TMEM229B: variants seen among roughly 807,000 people sequenced by gnomAD.
The protein encoded by TMEM229B is chromosome 14 open reading frame 83.
A neutral mutation model predicts 13.7 loss-of-function variants in TMEM229B; 6 were observed. The observed-to-expected ratio is 0.44, with a 90% CI of 0.24 to 0.86. The LOEUF (loss-of-function observed/expected upper bound fraction) is 0.86, where lower values mean the gene tolerates loss of function less well. Ranked by LOEUF, TMEM229B falls within the 40% of genes least tolerant of loss-of-function variation. The pLI is 0.23. For synonymous variants in TMEM229B, 107 were observed against 102.1 expected (o/e 1.05, Z -0.29); for missense variants, 170 against 236.0 (o/e 0.72, Z 1.83).
In TMEM229B at chr14:67,524,525, A is replaced by G. The variant is rs937662617; in HGVS notation, c.-192+9111T>C. ...TTGAAGTTATGCCACTCCCACCCAG[A>G]ACCTCCTGCAGTCCGACCAATGGAC... On this transcript the variant is annotated intron_variant, in intron 1 of 2. Transcript: ENST00000554278. Among the ~76,000 whole-genome samples, 8 of 152,162 alleles carry G rather than the reference A, an allele frequency of 5.3e-5. No homozygotes were observed. In the East Asian group the frequency reaches 1.5e-3, roughly 29 times the overall value.
rs906545955 is a variant in TMEM229B, at chr14:67,472,795, G to C, written c.*625C>G. The stretch of plus-strand genomic sequence containing the variant: ...ACCTCCAAAAGCCCAAGGTTGGTGG[G>C]AATCCAGCACCACGGGGGCCCCAGA... On this transcript the variant is annotated 3_prime_UTR_variant, in exon 3 of 3. Coordinates refer to ENST00000554480, the MANE Select transcript of TMEM229B (RefSeq NM_001348543.2). 1 of 153,910 alleles carries C rather than the reference G, an allele frequency of 6.5e-6. No homozygotes were observed. Among genetic ancestry groups the C allele is most frequent in the Non-Finnish European group, 1.4e-5 (1 of 69,036 alleles). The allele number at this position is 153,910 out of a possible 1,614,324, so 9.5% of individuals were successfully genotyped here. A position where few individuals can be genotyped will look rare whatever the true frequency, so the allele number is the denominator to read the frequency against.
intron 1 of TMEM229B, among the ~76,000 whole-genome samples, chr14:67,502,611 C>T (rs961081142): frequency 6.6e-6 from 1 of 151,772 alleles, no homozygotes; most frequent in Non-Finnish European, 1.5e-5. Context: ...TGCCACCACG[C>T]CTGGCTAATT....
chr14:67,499,240 G>C (rs1022423068), intron 1 of TMEM229B, among the ~76,000 whole-genome samples: 36 of 152,226 alleles, frequency 2.4e-4, no homozygotes, highest in African/African-American at 8.4e-4. Context: ...CTGGCCTCAA[G>C]TGATCCTCCT....
chr14:67,527,839 T>G (rs1201139782), intron 1 of TMEM229B, among the ~76,000 whole-genome samples: 14 of 152,212 alleles, frequency 9.2e-5, no homozygotes, highest in African/African-American at 2.9e-4. Flanking sequence ...GAGCAAGAAC[T>G]CACTCACAGC....
exon 1 of TMEM229B, chr14:67,515,152 C>G (rs1437200366): frequency 6.6e-6 from 1 of 152,442 alleles, no homozygotes; most frequent in African/African-American, 2.4e-5. Flanking sequence ...GCAGGTGCGG[C>G]TAGGAGCGCC....
Position 67,473,134 on chromosome 14 carries a change from C to T in TMEM229B, c.*286G>A, listed in dbSNP as rs1422855528. On this transcript the variant is annotated 3_prime_UTR_variant, in exon 3 of 3. Transcript: ENST00000554480. This position sits in a 1 kb window ranked among gnomAD's most constrained non-coding sequence, Gnocchi z 6.5. ...CTGCTTCCAAAGTCAACTACATAGT[C>T]CATCGCTGCTCAGCCACAGGCCTCC... is the stretch of plus-strand genomic sequence containing the variant. 2 of 451,992 alleles carry T rather than the reference C, an allele frequency of 4.4e-6. No homozygotes were observed. The highest frequency in any genetic ancestry group is 4.7e-5 in the South Asian group (2 of 42,566). 28.0% of individuals were successfully genotyped at this position (451,992 alleles called of 1,614,324 possible). A position where few individuals can be genotyped will look rare whatever the true frequency, so the allele number is the denominator to read the frequency against.
intron 1 of TMEM229B, 141 bp from the exon 2 acceptor site, chr14:67,487,313 C>A (rs562430639): frequency 6.6e-6 from 1 of 152,578 alleles, no homozygotes; most frequent in South Asian, 2.1e-4. Flanking sequence ...CGGAACCTAC[C>A]CCCTCCTCTT....
Position 67,486,136 on chromosome 14 carries a change from C to T in TMEM229B, c.-19+864G>A, listed in dbSNP as rs571342046. Among the ~76,000 whole-genome samples, 10 of 152,352 alleles carry T rather than the reference C, an allele frequency of 6.6e-5. No homozygotes were observed. In the South Asian group the frequency reaches 2.1e-3, roughly 32 times the overall value. On this transcript the variant is annotated intron_variant, in intron 2 of 2. Transcript: ENST00000554480. Reference sequence around the variant, plus strand: ...AGACAATCTGAATGATATGGTTTGGCTGTGTCCTCACCCAAATCTCATCTT... The same window carrying T: ...AGACAATCTGAATGATATGGTTTGGTTGTGTCCTCACCCAAATCTCATCTT...
upstream of TMEM229B, among the ~76,000 whole-genome samples, chr14:67,489,724 C>G (rs890647191): frequency 6.6e-6 from 1 of 152,242 alleles, no homozygotes; most frequent in Non-Finnish European, 1.5e-5. Context: ...GGCGCGGTGG[C>G]TCACGCCTGT....
chr14:67,497,651 T>C (rs1435459693), intron 1 of TMEM229B, among the ~76,000 whole-genome samples: 3 of 152,212 alleles, frequency 2.0e-5, no homozygotes, highest in Non-Finnish European at 4.4e-5. Flanking sequence ...TTTTGCACGA[T>C]TTTAACACAT....
chr14:67,478,335 C>G (rs1045956508), intron 2 of TMEM229B, among the ~76,000 whole-genome samples: 25 of 152,262 alleles, frequency 1.6e-4, no homozygotes, highest in African/African-American at 6.0e-4. Context: ...CAGCTACTAA[C>G]TCCCACCCTT....
At chr14:67,515,970 C>A (rs1370658212), upstream of TMEM229B, among the ~76,000 whole-genome samples, 1 of 152,236 alleles carries the variant, frequency 6.6e-6, no homozygotes, top group Non-Finnish European at 1.5e-5. Flanking sequence ...TCACGATTTG[C>A]TTTATACCAT....
chr14:67,473,579 G>A lies in TMEM229B; in HGVS notation c.345C>T (p.Leu115=). The A allele has an allele frequency of 6.2e-7, 1 of 1,611,754 alleles. No individual in the cohort carries two copies. The highest frequency in any genetic ancestry group is 1.1e-5 in the South Asian group (1 of 90,718). ...YSQFDFDFMG[L]ITLEYAVPWF... ...AGGGCACGGCGTACTCCAGGGTGAT[G>A]AGGCCCATGAAGTCAAAGTCGAACT... Residue 115 remains leucine (L), a synonymous_variant, in exon 3 of 3, where the codon CTC becomes CTT. Transcript: ENST00000554480. This position sits in a 1 kb window ranked among gnomAD's most constrained non-coding sequence, Gnocchi z 6.5.
At chr14:67,478,944 C>T (rs533807238) in intron 2 of TMEM229B, among the ~76,000 whole-genome samples, 9 of 152,312 alleles carry the variant, frequency 5.9e-5, no homozygotes, top group African/African-American at 2.2e-4. Context: ...AATATTCAAC[C>T]TAACTCCGAT....
intron 2 of TMEM229B, among the ~76,000 whole-genome samples, chr14:67,477,275 C>T (rs2031277002): frequency 1.3e-5 from 2 of 152,182 alleles, no homozygotes; most frequent in South Asian, 4.1e-4. Context: ...TTGACATCTT[C>T]AGCCTTTTCC....
chr14:67,482,385 G>T (rs2031637734), intron 2 of TMEM229B, among the ~76,000 whole-genome samples: 1 of 152,214 alleles, frequency 6.6e-6, no homozygotes, highest in African/African-American at 2.4e-5. Context: ...GGGGGCTAAG[G>T]TGCCACAACA....
Position 67,512,259 on chromosome 14 carries a change from C to T in TMEM229B, c.-192+2827G>A, listed in dbSNP as rs117289430. The stretch of plus-strand genomic sequence containing the variant: ...CAAACCAAAAGTGCCCCCCTCCTAC[C>T]CCTTCCCTAGAAATCAGCTTACACT... On this transcript the variant is annotated intron_variant, in intron 1 of 2. Transcript: ENST00000357461. Among the ~76,000 whole-genome samples the T allele has an allele frequency of 6.5e-3, 991 of 152,254 alleles. 5 individuals are homozygous for T. The highest frequency in any genetic ancestry group is 0.013 in the South Asian group (64 of 4,810).
chr14:67,476,777 A>C (rs913506897), intron 2 of TMEM229B, among the ~76,000 whole-genome samples: 4 of 152,128 alleles, frequency 2.6e-5, no homozygotes, highest in Admixed American at 2.6e-4. Flanking sequence ...CATCCCCTGC[A>C]CATGACTGCC....
At chr14:67,512,049 T>C (rs186170081) in intron 1 of TMEM229B, among the ~76,000 whole-genome samples, 8 of 152,366 alleles carry the variant, frequency 5.3e-5, no homozygotes, top group African/African-American at 1.9e-4. Flanking sequence ...ATGTAAATTC[T>C]GGTACGTAAA....
Sources: gnomAD v4.1 joint callset for allele counts (sites outside exome capture counted in the v4.1 genomes callset) on GRCh38, gnomAD v4.1.1 for gene constraint, Gnocchi (gnomAD v3.1) non-coding constraint, MANE v1.5 for transcripts, NCBI Gene and HGNC (gene_info 2026-07-23, HGNC 2026-07-21) for gene names.